The following MORN1 variants were observed in gnomAD, a reference collection of about 807,000 sequenced individuals.
The protein encoded by MORN1 is MORN repeat-containing protein 1.
In MORN1, 67 loss-of-function variants were observed where a neutral mutation model predicts 61.9. The observed-to-expected ratio is 1.08, with a 90% CI of 0.89 to 1.33. MORN1 has a LOEUF of 1.33. Among genes scored for constraint, MORN1 ranks in the 40% most tolerant of loss-of-function variants. MORN1 has a pLI of 0.00. For missense variants in MORN1, 752 were observed against 691.2 expected (o/e 1.09, Z -0.99); for synonymous variants, 301 against 292.0 (o/e 1.03, Z -0.31).
At chr1:2,331,860 G>A (rs1181079326) in intron 12 of MORN1, among the ~76,000 whole-genome samples, 9 of 118,792 alleles carry the variant, frequency 7.6e-5, no homozygotes, top group Non-Finnish European at 1.3e-4. Context: ...CCGCCCCTGC[G>A]CCTCTCCCTC....
chr1:2,357,670 C>T lies in MORN1; in HGVS notation c.870-72G>A. 6.7e-7 allele frequency: 1 copy of T among 1,498,420 alleles called. No homozygotes were observed. The highest frequency in any genetic ancestry group is 2.4e-5 in the East Asian group (1 of 41,926). 92.8% of individuals were successfully genotyped at this position (1,498,420 alleles called of 1,614,324 possible). ...CTAGGGTGCAGGCAGACAGCGTGGCCCACGCCCTGGACCCTGGGACTTGCC... is the reference window on the plus strand; with the variant it reads ...CTAGGGTGCAGGCAGACAGCGTGGCTCACGCCCTGGACCCTGGGACTTGCC... On this transcript the variant is annotated intron_variant, in intron 9 of 13. Transcript: ENST00000378531. This position sits in a 1 kb window ranked among gnomAD's most constrained non-coding sequence, Gnocchi z 6.3.
chr1:2,335,210 C>T (rs551552553), intron 12 of MORN1, among the ~76,000 whole-genome samples: 4 of 152,372 alleles, frequency 2.6e-5, no homozygotes, highest in Non-Finnish European at 5.9e-5. Flanking sequence ...CGAGGGGCCT[C>T]ACTGCAGGGG....
intron 10 of MORN1, among the ~76,000 whole-genome samples, chr1:2,339,186 C>T (rs1410293720): frequency 1.3e-5 from 2 of 152,168 alleles, no homozygotes; most frequent in Admixed American, 6.5e-5. Context: ...GGGTCGTCCC[C>T]AGCCTTGGCC....
intron 8 of MORN1, among the ~76,000 whole-genome samples, chr1:2,365,135 T>C (rs1641971893): frequency 6.6e-6 from 1 of 150,944 alleles, no homozygotes; most frequent in Admixed American, 6.6e-5. Context: ...GCATTGAATC[T>C]ATAAATTACC....
intron 5 of MORN1, 192 bp from the exon 6 acceptor site, chr1:2,385,257 T>C (rs983754562): frequency 6.6e-6 from 4 of 603,042 alleles, no homozygotes; most frequent in African/African-American, 5.6e-5. Context: ...TGGGGACACG[T>C]CCGCCCACCC....
intron 12 of MORN1, among the ~76,000 whole-genome samples, chr1:2,335,353 T>A (rs1478832031): frequency 3.3e-5 from 5 of 152,148 alleles, no homozygotes; most frequent in African/African-American, 9.6e-5. Context: ...CCCGGCACAC[T>A]CACACTCACA....
intron 8 of MORN1, among the ~76,000 whole-genome samples, chr1:2,360,248 A>G (rs1641865585): frequency 6.6e-6 from 1 of 152,246 alleles, no homozygotes; most frequent in East Asian, 1.9e-4. Context: ...CGATTGGGAA[A>G]GCAAAGATGT....
At chr1:2,390,409 C>T in intron 1 of MORN1, 4 of 984,952 alleles carry the variant, frequency 4.1e-6, no homozygotes, top group Non-Finnish European at 4.8e-6. Flanking sequence ...TCTCCCATCC[C>T]CTGCCGTGGC....
chr1:2,372,418 T>G lies in MORN1; in HGVS notation c.745+63A>C, dbSNP rs1642142272. The G allele has an allele frequency of 1.5e-6, 2 of 1,326,500 alleles. No homozygotes were observed. Among genetic ancestry groups the G allele is most frequent in the Non-Finnish European group, 1.1e-6 (1 of 945,426 alleles). The allele number at this position is 1,326,500 out of a possible 1,614,324, so 82.2% of individuals were successfully genotyped here. On this transcript the variant is annotated intron_variant, in intron 8 of 13. Coordinates refer to ENST00000378531, the MANE Select transcript of MORN1 (RefSeq NM_024848.3). This position sits in a 1 kb window ranked among gnomAD's most constrained non-coding sequence, Gnocchi z 5.4. Reference sequence around the variant, plus strand: ...ACATCTCGTCCGCATCTTCACTGCTTAAGAACCTGCTGCCTGTTTCTCTTT... The same window carrying G: ...ACATCTCGTCCGCATCTTCACTGCTGAAGAACCTGCTGCCTGTTTCTCTTT...
intron 12 of MORN1, among the ~76,000 whole-genome samples, chr1:2,326,029 C>T (rs1304605457): frequency 3.9e-5 from 6 of 152,168 alleles, no homozygotes; most frequent in Non-Finnish European, 5.9e-5. Context: ...CACCCTCCCG[C>T]GGCCTCCTCC....
intron 13 of MORN1, chr1:2,322,179 A>G (rs1640896421): frequency 2.0e-6 from 2 of 985,360 alleles, no homozygotes; most frequent in Non-Finnish European, 2.4e-6. Flanking sequence ...CAGTCTGTAA[A>G]CTGTCTGGAG....
Position 2,389,925 on chromosome 1 carries a change from C to T in MORN1, c.148G>A (p.Gly50Ser), listed in dbSNP as rs773879778. Residue 50 changes from glycine to serine, a missense_variant and splice_region_variant, in exon 2 of 14, where the codon GGT becomes AGT. Transcript: ENST00000378531. ...AGAAGAGACCACAGATGCTTCTCAC[C>T]GTGCTTCCTCCCTGCTTTCCATTCT... Reference protein sequence around the residue: ...EGEWKAGRKHGHGKLLFKDGS... With the variant: ...EGEWKAGRKHSHGKLLFKDGS... 138 of 1,613,794 alleles carry T rather than the reference C, an allele frequency of 8.6e-5. No homozygotes were observed. The highest frequency in any genetic ancestry group is 1.0e-4 in the Non-Finnish European group (123 of 1,179,818).
intron 10 of MORN1, among the ~76,000 whole-genome samples, chr1:2,343,297 G>A (rs1477492996): frequency 7.2e-5 from 11 of 152,218 alleles, no homozygotes; most frequent in East Asian, 5.8e-4. Context: ...CTCCGTGCCC[G>A]CCCGCTCCTC....
intron 8 of MORN1, among the ~76,000 whole-genome samples, chr1:2,367,775 C>T (rs1642028607): frequency 6.6e-6 from 1 of 152,050 alleles, no homozygotes. Context: ...CTACAGGCAC[C>T]CGCCACTATG....
At chr1:2,383,608 G>A (rs138447795) in intron 6 of MORN1, among the ~76,000 whole-genome samples, 1 of 152,234 alleles carries the variant, frequency 6.6e-6, no homozygotes, top group Non-Finnish European at 1.5e-5. Flanking sequence ...TCTAAGGAAC[G>A]AGGGACTCCT....
At chr1:2,373,532 G>A (rs1642167605) in intron 7 of MORN1, among the ~76,000 whole-genome samples, 1 of 152,186 alleles carries the variant, frequency 6.6e-6, no homozygotes, top group South Asian at 2.1e-4. Context: ...TTTCCCTTGA[G>A]GTGAGGTCAC....
intron 10 of MORN1, chr1:2,355,112 G>A (rs1296582652): frequency 1.3e-5 from 14 of 1,049,856 alleles, no homozygotes; most frequent in Non-Finnish European, 1.4e-5. Context: ...TGCGATGCAG[G>A]CACGAGGCTG....
chr1:2,373,487 G>T (rs1274545795), intron 7 of MORN1, among the ~76,000 whole-genome samples: 3 of 152,222 alleles, frequency 2.0e-5, no homozygotes, highest in Non-Finnish European at 4.4e-5. Flanking sequence ...AGGGCCAAGA[G>T]ACTTTTTTGG....
intron 12 of MORN1, chr1:2,332,603 G>T (rs1036997746): frequency 1.3e-5 from 6 of 456,394 alleles, no homozygotes; most frequent in Non-Finnish European, 2.6e-5. Flanking sequence ...GGCCCAGGTT[G>T]GGGGCCAGGA....
Sources: gnomAD v4.1 joint callset for allele counts (sites outside exome capture counted in the v4.1 genomes callset) on GRCh38, gnomAD v4.1.1 for gene constraint, Gnocchi (gnomAD v3.1) non-coding constraint, MANE v1.5 for transcripts, NCBI Gene and HGNC (gene_info 2026-07-23, HGNC 2026-07-21) for gene names.